Variants in ZDHHC18 observed in about 807,000 individuals in gnomAD.
The protein encoded by ZDHHC18 is zDHHC palmitoyltransferase 18.
A neutral mutation model predicts 37.5 loss-of-function variants in ZDHHC18; 23 were observed. That is an observed-to-expected ratio of 0.61 (90% CI 0.44 to 0.87). The LOEUF is 0.87. ZDHHC18 is among the 40% of genes least tolerant of loss of function. The probability of loss-of-function intolerance (pLI) is 0.00; values close to 1 mark genes in which losing one functional copy is unlikely to be tolerated. For missense variants in ZDHHC18, 406 were observed against 525.6 expected (o/e 0.77, Z 2.22); for synonymous variants, 185 against 218.7 (o/e 0.85, Z 1.36).
At chr1:26,849,000 G>A (rs779539456) in intron 3 of ZDHHC18, among the ~76,000 whole-genome samples, 5 of 152,216 alleles carry the variant, frequency 3.3e-5, no homozygotes, top group African/African-American at 4.8e-5. Flanking sequence ...GCTCTGAGGT[G>A]TGGGGCAGAC....
At chr1:26,830,813 G>A (rs1392487419) in intron 1 of ZDHHC18, among the ~76,000 whole-genome samples, 1 of 152,208 alleles carries the variant, frequency 6.6e-6, no homozygotes, top group East Asian at 1.9e-4. Context: ...ATAGAGTTTT[G>A]CTCTTGTTGC....
rs566735764 is a variant in ZDHHC18, at chr1:26,841,513, G to C, written c.497-7095G>C. ...CACCTCACTCAGCCAGTAAGTGATT[G>C]GAGTGAGATTTATACCTACATGTGT... On this transcript the variant is annotated intron_variant, in intron 2 of 7. Coordinates refer to ENST00000374142, the MANE Select transcript of ZDHHC18 (RefSeq NM_032283.3). 2.6e-5 allele frequency among the ~76,000 whole-genome samples: 4 copies of C among 152,252 alleles called. No individual in the cohort carries two copies. In the South Asian group the frequency reaches 6.2e-4, roughly 24 times the overall value.
At chr1:26,841,856 C>T (rs2081640510) in intron 2 of ZDHHC18, among the ~76,000 whole-genome samples, 1 of 152,104 alleles carries the variant, frequency 6.6e-6, no homozygotes, top group Admixed American at 6.6e-5. Context: ...ACTGAGGTGG[C>T]CAGGCGCGGT....
intron 7 of ZDHHC18, 178 bp downstream of exon 7, chr1:26,853,043 A>G (rs2081714805): frequency 1.8e-6 from 1 of 566,576 alleles, no homozygotes; most frequent in Admixed American, 3.3e-5. Flanking sequence ...TCACGTGCTC[A>G]TTGTAGAAAA....
intron 1 of ZDHHC18, among the ~76,000 whole-genome samples, chr1:26,828,760 G>A (rs569052347): frequency 6.6e-6 from 1 of 151,806 alleles, no homozygotes; most frequent in East Asian, 2.0e-4. Flanking sequence ...AGAAGCTCTG[G>A]GGGGCCCAGA....
chr1:26,833,340 G>A (rs771597610), intron 2 of ZDHHC18, among the ~76,000 whole-genome samples: 4 of 152,190 alleles, frequency 2.6e-5, no homozygotes, highest in Non-Finnish European at 5.9e-5. Context: ...GAGCAAAGAA[G>A]CACCGGCCTG....
chr1:26,852,686 T>C, intron 6 of ZDHHC18, 67 bp from the exon 7 acceptor site: 2 of 1,433,658 alleles, frequency 1.4e-6, no homozygotes, highest in Admixed American at 3.5e-5. Context: ...CCCCAGCCTC[T>C]AGACCTGCCT....
At position 26,848,918 on chromosome 1, in the gene ZDHHC18, C is replaced by A. The variant is rs140165495; in HGVS notation, c.646+161C>A. Among the ~76,000 whole-genome samples, 259 of 152,214 alleles carry A rather than the reference C, an allele frequency of 1.7e-3. 1 individual carries two copies. In the Middle Eastern group the frequency reaches 0.02, roughly 12 times the overall value. ...CAGATTTGCCCTGACTCAGGAGGGC[C>A]CAGGGGAGGGGCCCTCAGCATAACC... On this transcript the variant is annotated intron_variant, in intron 3 of 7. Transcript: ENST00000374142.
chr1:26,837,066 G>A (rs960989811), intron 2 of ZDHHC18, among the ~76,000 whole-genome samples: 2 of 147,760 alleles, frequency 1.4e-5, no homozygotes, highest in South Asian at 2.1e-4. Context: ...GGCTAACAAG[G>A]TGAAGCCCCA....
intron 1 of ZDHHC18, 125 bp from the exon 2 acceptor site, chr1:26,832,322 G>C (rs2081591631): frequency 8.2e-7 from 1 of 1,224,942 alleles, no homozygotes; most frequent in Non-Finnish European, 1.2e-6. Flanking sequence ...CTCTGCCTCA[G>C]AGCGAGGCTG....
chr1:26,848,526 G>A, intron 2 of ZDHHC18, 82 bp from the exon 3 acceptor site: 1 of 1,542,358 alleles, frequency 6.5e-7, no homozygotes, highest in South Asian at 1.2e-5. Context: ...GACTGGCCAG[G>A]CAGCAGTAGC....
chr1:26,846,206 ACG>A (rs2081663676), intron 2 of ZDHHC18, among the ~76,000 whole-genome samples: 2 of 96,352 alleles, frequency 2.1e-5, no homozygotes, highest in Admixed American at 2.4e-4. Context: ...ACATATATAC[ACG>A]TATATACATA....
At chr1:26,832,408 T>C (rs1473709319) in intron 1 of ZDHHC18, 39 bp from the exon 2 acceptor site, 2 of 1,611,520 alleles carry the variant, frequency 1.2e-6, no homozygotes, top group Non-Finnish European at 1.7e-6. Flanking sequence ...CAGGGAGCCC[T>C]TGGGGTGTCT....
chr1:26,835,843 C>T (rs2081609078), intron 2 of ZDHHC18, among the ~76,000 whole-genome samples: 2 of 152,220 alleles, frequency 1.3e-5, no homozygotes, highest in Admixed American at 1.3e-4. Context: ...GTCCTAGGCT[C>T]ATGTAGACAG....
At position 26,850,260 on chromosome 1, in the gene ZDHHC18, G is replaced by C. The variant is rs1263323384; in HGVS notation, c.647-41G>C. The C allele has an allele frequency of 6.2e-7, 1 of 1,605,654 alleles. No homozygotes were observed. ...CCGCCAAATGCCTGTGCTGGCTGCA[G>C]GCCAGCCCACACTAACCCATCGCCC... On this transcript the variant is annotated intron_variant, in intron 3 of 7. Transcript: ENST00000374142. The surrounding 1 kb of genome is among the most constrained non-coding windows in gnomAD (Gnocchi z 6.1).
Position 26,854,170 on chromosome 1 carries a change from T to G in ZDHHC18, c.*327T>G, listed in dbSNP as rs550545195. The G allele has an allele frequency of 1.1e-4, 29 of 253,076 alleles. No individual in the cohort carries two copies. Among genetic ancestry groups the G allele is most frequent in the Non-Finnish European group, 1.8e-4 (23 of 129,060 alleles). 15.7% of individuals were successfully genotyped at this position (253,076 alleles called of 1,614,324 possible). On this transcript the variant is annotated 3_prime_UTR_variant, in exon 8 of 8. Transcript: ENST00000374142. The surrounding 1 kb of genome is among the most constrained non-coding windows in gnomAD (Gnocchi z 4.6). The stretch of plus-strand genomic sequence containing the variant: ...TGTGAGTGAGGCTGTGAACTGAGCG[T>G]GAGGCCTCCCAGGTGGGGGAACTGC...
chr1:26,840,214 G>T (rs1479311281), intron 2 of ZDHHC18, among the ~76,000 whole-genome samples: 1 of 152,220 alleles, frequency 6.6e-6, no homozygotes, highest in Non-Finnish European at 1.5e-5. Context: ...TTCTGTCAGT[G>T]CTGGAGAGGG....
chr1:26,848,895 G>A, intron 3 of ZDHHC18, 138 bp downstream of exon 3: 1 of 1,311,018 alleles, frequency 7.6e-7, no homozygotes, highest in Non-Finnish European at 1.0e-6. Context: ...GGTTCACCCA[G>A]ATTTGCCCTG....
chr1:26,850,151 C>G lies in ZDHHC18; in HGVS notation c.647-150C>G. 1.1e-6 allele frequency: 1 copy of G among 902,130 alleles called. No individual in the cohort carries two copies. Among genetic ancestry groups the G allele is most frequent in the Non-Finnish European group, 1.7e-6 (1 of 598,390 alleles). 55.9% of individuals were successfully genotyped at this position (902,130 alleles called of 1,614,324 possible). On this transcript the variant is annotated intron_variant, in intron 3 of 7. Transcript: ENST00000374142. The surrounding 1 kb of genome is among the most constrained non-coding windows in gnomAD (Gnocchi z 6.1). The stretch of plus-strand genomic sequence containing the variant: ...GCAGTGGGAACTGGTACACAAAGGA[C>G]CAGAGGCAGGTGTGTCCAAGGCCTG...
Sources: gnomAD v4.1 joint callset for allele counts (sites outside exome capture counted in the v4.1 genomes callset) on GRCh38, gnomAD v4.1.1 for gene constraint, Gnocchi (gnomAD v3.1) non-coding constraint, MANE v1.5 for transcripts, NCBI Gene and HGNC (gene_info 2026-07-23, HGNC 2026-07-21) for gene names.